SEMA3A: variants seen among roughly 807,000 people sequenced by gnomAD.
The protein encoded by SEMA3A is semaphorin-3A.
A neutral mutation model predicts 97.9 loss-of-function variants in SEMA3A; 29 were observed. The observed-to-expected ratio is 0.30, with a 90% CI of 0.22 to 0.40. SEMA3A has a LOEUF of 0.40. Among genes scored for constraint, SEMA3A ranks in the 10% least tolerant of loss-of-function variants. The pLI, the probability that SEMA3A is intolerant of heterozygous loss-of-function variation, is 1.00. For missense variants in SEMA3A, 763 were observed against 951.3 expected, an observed-to-expected ratio of 0.80 and a Z score of 2.60; for synonymous variants, 321 against 323.7, an observed-to-expected ratio of 0.99 and a Z score of 0.09.
At chr7:83,964,325 C>G (rs576940037) in intron 15 of SEMA3A, among the ~76,000 whole-genome samples, 1 of 152,298 alleles carries the variant, frequency 6.6e-6, no homozygotes, top group East Asian at 1.9e-4. Context: ...TTTACATGCA[C>G]AGAAAGCTGA....
intron 6 of SEMA3A, among the ~76,000 whole-genome samples, chr7:84,045,647 TAAAAAGA>T (rs913411144): frequency 2.0e-5 from 3 of 151,824 alleles, no homozygotes; most frequent in African/African-American, 4.8e-5. Flanking sequence ...TTTTCTATAC[TAAAAAGA>T]AAAGAGAGTA....
intron 2 of SEMA3A, among the ~76,000 whole-genome samples, chr7:84,335,416 T>A (rs1245424630): frequency 6.6e-6 from 1 of 152,162 alleles, no homozygotes; most frequent in Admixed American, 6.6e-5. Context: ...GTTATAGTTG[T>A]GGAAGATAAT....
intron 14 of SEMA3A, 150 bp from the exon 15 acceptor site, chr7:83,977,346 G>T (rs887558294): frequency 5.9e-5 from 23 of 390,368 alleles, no homozygotes; most frequent in Non-Finnish European, 8.9e-5. Flanking sequence ...CCAACTAAAA[G>T]ATTTTTTTAA....
At chr7:84,291,320 A>C (rs1800739896) in intron 3 of SEMA3A, among the ~76,000 whole-genome samples, 1 of 152,120 alleles carries the variant, frequency 6.6e-6, no homozygotes, top group Admixed American at 6.6e-5. Context: ...CAAATTATTT[A>C]TCTGTTCTTA....
At chr7:84,477,813 A>T (rs910283468) in intron 1 of SEMA3A, among the ~76,000 whole-genome samples, 1 of 152,214 alleles carries the variant, frequency 6.6e-6, no homozygotes, top group African/African-American at 2.4e-5. Context: ...AATGAAATAA[A>T]CATACGACCT....
chr7:84,478,492 T>TA (rs1229689256), intron 1 of SEMA3A, among the ~76,000 whole-genome samples: 1 of 152,124 alleles, frequency 6.6e-6, no homozygotes, highest in African/African-American at 2.4e-5. Flanking sequence ...AACCATGATA[T>TA]AAAAAATACA....
At chr7:84,345,025 A>T (rs1562911990) in intron 2 of SEMA3A, among the ~76,000 whole-genome samples, 1 of 152,220 alleles carries the variant, frequency 6.6e-6, no homozygotes, top group South Asian at 2.1e-4. Context: ...ATTTAAATAG[A>T]CACTATACCA....
At chr7:84,085,666 A>G (rs2115820354) in intron 4 of SEMA3A, among the ~76,000 whole-genome samples, 1 of 152,332 alleles carries the variant, frequency 6.6e-6, no homozygotes, top group Admixed American at 6.5e-5. Context: ...TTTATATAAT[A>G]AAATTAATTT....
chr7:83,999,371 A>C (rs551612231), intron 12 of SEMA3A, among the ~76,000 whole-genome samples: 48 of 152,094 alleles, frequency 3.2e-4, no homozygotes, highest in Non-Finnish European at 6.0e-4. Flanking sequence ...AAATAATAAA[A>C]ATTCACGAAA....
chr7:84,424,631 A>G (rs1200206851), intron 1 of SEMA3A, among the ~76,000 whole-genome samples: 1 of 93,318 alleles, frequency 1.1e-5, no homozygotes, highest in Non-Finnish European at 1.8e-5. Flanking sequence ...TATAATATAT[A>G]TACAATATAT....
At chr7:84,015,935 A>T (rs555337323) in intron 6 of SEMA3A, among the ~76,000 whole-genome samples, 1 of 152,190 alleles carries the variant, frequency 6.6e-6, no homozygotes, top group African/African-American at 2.4e-5. Context: ...GGAGAATAAT[A>T]GTTTTAAAGT....
intron 2 of SEMA3A, among the ~76,000 whole-genome samples, chr7:84,358,975 A>G (rs1250585081): frequency 6.6e-6 from 1 of 152,134 alleles, no homozygotes; most frequent in Non-Finnish European, 1.5e-5. Flanking sequence ...ATTTTTGCAC[A>G]TTGATCCTGA....
chr7:84,457,201 T>C (rs917714211), intron 1 of SEMA3A, among the ~76,000 whole-genome samples: 2 of 151,774 alleles, frequency 1.3e-5, no homozygotes, highest in Admixed American at 6.6e-5. Flanking sequence ...AATGGCAATT[T>C]TCTAGTTTTC....
chr7:84,205,161 A>T (rs758878214), intron 3 of SEMA3A, among the ~76,000 whole-genome samples: 7 of 152,238 alleles, frequency 4.6e-5, no homozygotes, highest in Non-Finnish European at 8.8e-5. Context: ...TAAGGTCAAC[A>T]GGTGAAACAC....
rs867967978 is a variant in SEMA3A at position 84,232,443 on chromosome 7, C to T, written c.-82-37775G>A. Among the ~76,000 whole-genome samples, 47 of 147,990 alleles carry T rather than the reference C, an allele frequency of 3.2e-4. No homozygotes were observed. In the East Asian group the frequency reaches 4.8e-3, roughly 15 times the overall value. ...TTTAATCTCTCTCTCTCTCTCTCTCCCTCTCTCTCTGTCACACACACACAC... is the reference window on the plus strand; with the variant it reads ...TTTAATCTCTCTCTCTCTCTCTCTCTCTCTCTCTCTGTCACACACACACAC... On this transcript the variant is annotated intron_variant, in intron 3 of 3. Coordinates refer to the SEMA3A transcript ENST00000424555.
chr7:84,330,765 C>T (rs1189477740), intron 2 of SEMA3A, among the ~76,000 whole-genome samples: 1 of 151,864 alleles, frequency 6.6e-6, no homozygotes, highest in Non-Finnish European at 1.5e-5. Context: ...AAAAATAATT[C>T]AACTCCTCCA....
intron 1 of SEMA3A, among the ~76,000 whole-genome samples, chr7:84,147,400 T>C (rs969310813): frequency 6.6e-6 from 1 of 152,218 alleles, no homozygotes; most frequent in African/African-American, 2.4e-5. Flanking sequence ...TCCTTATTCA[T>C]TGACAAAAAC....
At chr7:83,990,224 T>G (rs1789842969) in intron 12 of SEMA3A, among the ~76,000 whole-genome samples, 1 of 152,174 alleles carries the variant, frequency 6.6e-6, no homozygotes, top group African/African-American at 2.4e-5. Flanking sequence ...ATTAGCCCTT[T>G]GTCAGATAAG....
At chr7:84,280,009 C>T (rs1332786575) in intron 3 of SEMA3A, among the ~76,000 whole-genome samples, 1 of 152,146 alleles carries the variant, frequency 6.6e-6, no homozygotes, top group East Asian at 1.9e-4. Context: ...GTGATCCACC[C>T]ACCTCAGCTT....
Sources: allele counts gnomAD v4.1 joint callset (sites outside exome capture counted in the v4.1 genomes callset), GRCh38; gene constraint gnomAD v4.1.1; transcripts MANE v1.5; gene names NCBI Gene and HGNC (gene_info 2026-07-23, HGNC 2026-07-21).